The following PDCD2 variants were observed in gnomAD, a reference collection of about 807,000 sequenced individuals.
PDCD2 encodes the protein programmed cell death 2.
In PDCD2, 38 loss-of-function variants were observed where a neutral mutation model predicts 38.1. That is an observed-to-expected ratio of 1.00 (90% CI 0.77 to 1.31). PDCD2 has a LOEUF of 1.31. Ranked by LOEUF, PDCD2 falls within the 50% of genes most tolerant of loss-of-function variation. The probability of loss-of-function intolerance (pLI) is 0.00; values close to 1 mark genes in which losing one functional copy is unlikely to be tolerated. For missense variants in PDCD2, 473 were observed against 435.7 expected (o/e 1.09, Z -0.76); for synonymous variants, 205 against 168.9 (o/e 1.21, Z -1.66).
Position 170,583,495 on chromosome 6 carries a change from G to T in PDCD2, c.526+10C>A, listed in dbSNP as rs371022929. On this transcript the variant is annotated intron_variant, in intron 2 of 5. Transcript: ENST00000541970. ...AAACTGAACTGAGACTTAAAAAAAA[G>T]ATTACCCACCTGGTTGTGCACAAGC... 1.6e-5 allele frequency: 25 copies of T among 1,595,922 alleles called. No individual in the cohort carries two copies. The African/African-American group carries it at 3.2e-4, about 21-fold the overall frequency.
At chr6:170,579,674 C>T (rs113012193) in intron 4 of PDCD2, 7 of 177,588 alleles carry the variant, frequency 3.9e-5, no homozygotes, top group South Asian at 1.9e-4. Flanking sequence ...TTCTTTCTGG[C>T]GGGGGGGCCA....
rs1029293459 is a variant in PDCD2, at chr6:170,576,897, T to G, written c.*662A>C. The G allele has an allele frequency of 2.0e-5, 3 of 152,266 alleles. No individual in the cohort carries two copies. The highest frequency in any genetic ancestry group is 7.2e-5 in the African/African-American group (3 of 41,456). The allele number at this position is 152,266 out of a possible 1,614,324, so 9.4% of individuals were successfully genotyped here. On this transcript the variant is annotated 3_prime_UTR_variant, in exon 6 of 6. Transcript: ENST00000541970. ...TCTGTGATCACAAAGCCACTGTTGT[T>G]CCTCATCCTGCCAACTGTGATACTG... is the stretch of plus-strand genomic sequence containing the variant.
intron 3 of PDCD2, among the ~76,000 whole-genome samples, chr6:170,580,745 A>G (rs1339024632): frequency 6.6e-6 from 1 of 152,042 alleles, no homozygotes; most frequent in African/African-American, 2.4e-5. Flanking sequence ...CCTTCTCCAC[A>G]TTCCTTCCTG....
chr6:170,579,172 T>A, intron 4 of PDCD2: 1 of 537,914 alleles, frequency 1.9e-6, no homozygotes, highest in East Asian at 3.2e-5. Flanking sequence ...TATTTCAGTT[T>A]ATCTGACTCA....
rs907925887 is a variant in PDCD2 at position 170,582,068 on chromosome 6, G to A, written c.658+989C>T. On this transcript the variant is annotated intron_variant, in intron 3 of 5. Transcript: ENST00000541970. ...TCCTAAAGATAAGCATTTTCATTAT[G>A]TATCATGTTTATCGTATAGGCATGA... 103 of 1,484,974 alleles carry A rather than the reference G, an allele frequency of 6.9e-5. 2 individuals are homozygous for A. In the East Asian group the frequency reaches 2.6e-3, roughly 37 times the overall value. 92.0% of individuals were successfully genotyped at this position (1,484,974 alleles called of 1,614,324 possible).
Position 170,577,498 on chromosome 6 carries a change from C to T in PDCD2, c.*61G>A. ...ATAAGTATTTCCTTAGGATAAAATCCCAGAAATGGAATTGCAAGGTATAAA... is the reference window on the plus strand; with the variant it reads ...ATAAGTATTTCCTTAGGATAAAATCTCAGAAATGGAATTGCAAGGTATAAA... On this transcript the variant is annotated 3_prime_UTR_variant, in exon 6 of 6. Coordinates refer to ENST00000541970, the MANE Select transcript of PDCD2 (RefSeq NM_002598.4). 7.1e-7 allele frequency: 1 copy of T among 1,410,076 alleles called. No individual in the cohort carries two copies. The highest frequency in any genetic ancestry group is 1.2e-5 in the South Asian group (1 of 81,996). The allele number at this position is 1,410,076 out of a possible 1,614,324, so 87.3% of individuals were successfully genotyped here. A position where few individuals can be genotyped will look rare whatever the true frequency, so the allele number is the denominator to read the frequency against.
chr6:170,577,750 G>A lies in PDCD2; in HGVS notation c.877-33C>T, dbSNP rs759862702. ...GAGGGTGACACACAGTTAGAAAGCTGCTTCACAGCAGGGAGCACGAGACCT... is the reference window on the plus strand; with the variant it reads ...GAGGGTGACACACAGTTAGAAAGCTACTTCACAGCAGGGAGCACGAGACCT... On this transcript the variant is annotated intron_variant, in intron 5 of 5. Transcript: ENST00000541970. 1.7e-5 allele frequency: 28 copies of A among 1,607,546 alleles called. 1 individual carries two copies. The South Asian group carries it at 3.0e-4, about 17-fold the overall frequency.
rs767945105 is a variant in PDCD2, at chr6:170,577,731, GAC to G, written c.877-16_877-15del. On this transcript the variant is annotated splice_polypyrimidine_tract_variant and intron_variant, in intron 5 of 5. Coordinates refer to ENST00000541970, the MANE Select transcript of PDCD2 (RefSeq NM_002598.4). Reference sequence around the variant, plus strand: ...CTGAGGCATGACCTGAGAAGAGGGTGACACACAGTTAGAAAGCTGCTTCACAG... The same window carrying G: ...CTGAGGCATGACCTGAGAAGAGGGTGACACAGTTAGAAAGCTGCTTCACAG... 13 of 1,611,320 alleles carry G rather than the reference GAC, an allele frequency of 8.1e-6. No homozygotes were observed. In the Admixed American group the frequency reaches 1.3e-4, roughly 17 times the overall value.
chr6:170,577,420 A>C lies in PDCD2; in HGVS notation c.*139T>G. The C allele has an allele frequency of 2.8e-6, 2 of 707,226 alleles. No individual in the cohort carries two copies. The highest frequency in any genetic ancestry group is 4.6e-6 in the Non-Finnish European group (2 of 433,966). 43.8% of individuals were successfully genotyped at this position (707,226 alleles called of 1,614,324 possible). Reference sequence around the variant, plus strand: ...CACTGGACACTTTTGTTTCACTAATAAGTAGACACTGTGTAAGCAATCTGT... The same window carrying C: ...CACTGGACACTTTTGTTTCACTAATCAGTAGACACTGTGTAAGCAATCTGT... On this transcript the variant is annotated 3_prime_UTR_variant, in exon 6 of 6. Coordinates refer to ENST00000541970, the MANE Select transcript of PDCD2 (RefSeq NM_002598.4).
Position 170,584,480 on chromosome 6 carries a change from C to G in PDCD2, c.102G>C (p.Arg34=). The part of the protein sequence containing the change: ...SEQFPSKVGG[R]PAWLGAAGLP... ...GCCCGGCCGCGCCCAGCCATGCCGG[C>G]CGCCCGCCCACCTTGCTGGGGAACT... Residue 34 remains arginine, a synonymous_variant, in exon 1 of 6, where the codon CGG becomes CGC. Coordinates refer to ENST00000541970, the MANE Select transcript of PDCD2 (RefSeq NM_002598.4). The G allele has an allele frequency of 7.6e-7, 1 of 1,315,526 alleles. No individual in the cohort carries two copies. The highest frequency in any genetic ancestry group is 9.6e-7 in the Non-Finnish European group (1 of 1,039,992). 81.5% of individuals were successfully genotyped at this position (1,315,526 alleles called of 1,614,324 possible).
chr6:170,584,202 C>G, intron 1 of PDCD2, 97 bp downstream of exon 1: 1 of 1,233,890 alleles, frequency 8.1e-7, no homozygotes, highest in Non-Finnish European at 1.0e-6. Flanking sequence ...GCTGGGGCGG[C>G]AGCGGTGCTT....
At position 170,579,986 on chromosome 6, in the gene PDCD2, A is replaced by C; in HGVS notation, c.762+16T>G. ...CCTGAAGAGAACACGATGAGGAGCT[A>C]TGAGCTCCACTTTACCTGTTCTGGT... On this transcript the variant is annotated intron_variant, in intron 4 of 5. Transcript: ENST00000541970. The C allele has an allele frequency of 2.2e-5, 27 of 1,243,574 alleles. No homozygotes were observed. The highest frequency in any genetic ancestry group is 2.7e-5 in the Non-Finnish European group (23 of 841,684). The allele number at this position is 1,243,574 out of a possible 1,614,324, so 77.0% of individuals were successfully genotyped here. A position where few individuals can be genotyped will look rare whatever the true frequency, so the allele number is the denominator to read the frequency against.
Position 170,584,492 on chromosome 6 carries a change from C to G in PDCD2, c.90G>C (p.Lys30Asn), listed in dbSNP as rs1485404994. ...WRLRSEQFPSKVGGRPAWLGA... is the reference protein window; with the variant it reads ...WRLRSEQFPSNVGGRPAWLGA... ...CCAGCCATGCCGGCCGCCCGCCCAC[C>G]TTGCTGGGGAACTGCTCGCTGCGCA... Residue 30 changes from lysine (K) to asparagine (N), a missense_variant, in exon 1 of 6, where the codon AAG (lysine) becomes AAC (asparagine). By Grantham distance (94) the Lys-to-Asn change is moderately conservative (BLOSUM62 0). Coordinates refer to ENST00000541970, the MANE Select transcript of PDCD2 (RefSeq NM_002598.4). 2.2e-6 allele frequency: 3 copies of G among 1,335,792 alleles called. No individual in the cohort carries two copies. The highest frequency in any genetic ancestry group is 2.9e-6 in the Non-Finnish European group (3 of 1,047,878). 82.7% of individuals were successfully genotyped at this position (1,335,792 alleles called of 1,614,324 possible).
intron 5 of PDCD2, 54 bp downstream of exon 5, chr6:170,578,803 T>G: frequency 8.7e-7 from 1 of 1,147,218 alleles, no homozygotes; most frequent in Non-Finnish European, 1.3e-6. Context: ...GTTTTTAATG[T>G]TTAAAAACAA....
intron 3 of PDCD2, among the ~76,000 whole-genome samples, chr6:170,580,488 G>A (rs543536378): frequency 6.6e-6 from 1 of 152,322 alleles, no homozygotes; most frequent in Admixed American, 6.5e-5. Flanking sequence ...GCCGAGGCGG[G>A]CAGATCACCT....
At position 170,583,604 on chromosome 6, in the gene PDCD2, G is replaced by C; in HGVS notation, c.427C>G (p.Pro143Ala). The C allele has an allele frequency of 6.2e-7, 1 of 1,613,804 alleles. No individual in the cohort carries two copies. The highest frequency in any genetic ancestry group is 2.2e-5 in the East Asian group (1 of 44,862). Residue 143 changes from proline to alanine, a missense_variant, in exon 2 of 6, where the codon CCC becomes GCC. Physicochemically the swap from Pro to Ala is conservative, Grantham distance 27 (BLOSUM62 -1). Transcript: ENST00000541970. ...TTGTGGCATCTGGAGCACGTTTTGG[G>C]GCCTAAACAGCCACAAACCCTGCAG... ...HLCRVCGCLG[P>A]KTCSRCHKAY...
At position 170,577,521 on chromosome 6, in the gene PDCD2, A is replaced by G. The variant is rs1779478104; in HGVS notation, c.*38T>C. On this transcript the variant is annotated 3_prime_UTR_variant, in exon 6 of 6. Coordinates refer to ENST00000541970, the MANE Select transcript of PDCD2 (RefSeq NM_002598.4). ...TCCCAGAAATGGAATTGCAAGGTATAAAAGATTATTAACATTTTTCAAGGC... is the reference window on the plus strand; with the variant it reads ...TCCCAGAAATGGAATTGCAAGGTATGAAAGATTATTAACATTTTTCAAGGC... 1 of 1,560,208 alleles carries G rather than the reference A, an allele frequency of 6.4e-7. No individual in the cohort carries two copies. Among genetic ancestry groups the G allele is most frequent in the South Asian group, 1.1e-5 (1 of 89,000 alleles).
rs1218118983 is a variant in PDCD2, at chr6:170,578,963, C to CT, written c.769dup (p.Arg257LysfsTer14). The CT allele has an allele frequency of 1.9e-6, 3 of 1,557,634 alleles. No individual in the cohort carries two copies. In the African/African-American group the frequency reaches 4.2e-5, roughly 22 times the overall value. ...GATGGGGGCAATACCTCTGCCATAT[C>CT]TAAGAATCTAAAATCAATGAAGATC... On this transcript the variant is annotated frameshift_variant, in exon 5 of 6. Transcript: ENST00000541970. LOFTEE classifies it high-confidence loss of function.
chr6:170,583,269 A>AGGGAATATAGTACT, intron 2 of PDCD2, 81 bp from the exon 3 acceptor site: 1 of 1,062,752 alleles, frequency 9.4e-7, no homozygotes, highest in Non-Finnish European at 1.4e-6. Context: ...AAAGTACTAT[A>AGGGAATATAGTACT]TTCCCTATAG....
Sources: allele counts gnomAD v4.1 joint callset (sites outside exome capture counted in the v4.1 genomes callset), GRCh38; gene constraint gnomAD v4.1.1; transcripts MANE v1.5; gene names NCBI Gene and HGNC (gene_info 2026-07-23, HGNC 2026-07-21).